ELMO1: variants seen among roughly 807,000 people sequenced by gnomAD.
ELMO1 encodes engulfment and cell motility 1, also known as engulfment and cell motility protein 1.
A neutral mutation model predicts 98.9 loss-of-function variants in ELMO1; 26 were observed. The observed-to-expected ratio is 0.26, with a 90% CI of 0.19 to 0.36. ELMO1 has a LOEUF of 0.36. ELMO1 is among the 10% of genes least tolerant of loss of function. ELMO1 has a pLI of 1.00. For synonymous variants in ELMO1, 346 were observed against 346.0 expected (o/e 1.00, Z 0.00); for missense variants, 627 against 935.2 (o/e 0.67, Z 4.30).
rs537835426 is a variant in ELMO1, at chr7:37,013,483, A to G, written c.1301-48T>C. 68 of 1,601,294 alleles carry G rather than the reference A, an allele frequency of 4.2e-5. 1 individual carries two copies. In the South Asian group the frequency reaches 7.5e-4, roughly 18 times the overall value. On this transcript the variant is annotated intron_variant, in intron 15 of 21. Coordinates refer to ENST00000310758, the MANE Select transcript of ELMO1 (RefSeq NM_014800.11). ...AAGAGAAAAAGTTTTAAAACAGTGAAACACGAGAACATAACCACAGGTATG... is the reference window on the plus strand; with the variant it reads ...AAGAGAAAAAGTTTTAAAACAGTGAGACACGAGAACATAACCACAGGTATG...
chr7:36,866,576 C>G (rs1449114326), intron 20 of ELMO1, among the ~76,000 whole-genome samples: 1 of 152,136 alleles, frequency 6.6e-6, no homozygotes, highest in African/African-American at 2.4e-5. Flanking sequence ...CAGCAGAGAC[C>G]GAATGGGTGA....
At chr7:37,376,954 T>A (rs1802374307) in intron 1 of ELMO1, among the ~76,000 whole-genome samples, 1 of 152,224 alleles carries the variant, frequency 6.6e-6, no homozygotes, top group East Asian at 1.9e-4. Context: ...CCAATGCTCC[T>A]GGACTTTCAA....
chr7:37,342,795 GTCAC>G lies in ELMO1; in HGVS notation c.-73-36_-73-33del. The G allele has an allele frequency of 9.4e-7, 1 of 1,060,358 alleles. No individual in the cohort carries two copies. The highest frequency in any genetic ancestry group is 1.4e-6 in the Non-Finnish European group (1 of 723,210). The allele number at this position is 1,060,358 out of a possible 1,614,324, so 65.7% of individuals were successfully genotyped here. On this transcript the variant is annotated intron_variant, in intron 1 of 21. Coordinates refer to ENST00000310758, the MANE Select transcript of ELMO1 (RefSeq NM_014800.11). The surrounding 1 kb of genome is among the most constrained non-coding windows in gnomAD (Gnocchi z 4.3). ...AGGAATGACAGAAAAAGAAAGAGAAGTCACTCAGTGCAGATGCAGGGTGAATTTT... is the reference window on the plus strand; with the variant it reads ...AGGAATGACAGAAAAAGAAAGAGAAGTCAGTGCAGATGCAGGGTGAATTTT...
intron 1 of ELMO1, among the ~76,000 whole-genome samples, chr7:37,357,907 T>A (rs1420711435): frequency 6.6e-6 from 1 of 152,180 alleles, no homozygotes; most frequent in African/African-American, 2.4e-5. Context: ...CCTGCTCAAA[T>A]GCATAGATAA....
At chr7:36,873,540 A>G (rs1422306344) in intron 19 of ELMO1, among the ~76,000 whole-genome samples, 1 of 152,150 alleles carries the variant, frequency 6.6e-6, no homozygotes, top group Non-Finnish European at 1.5e-5. Context: ...CAACACTCCT[A>G]TTTTACAGAT....
At chr7:37,196,338 G>A (rs550514959) in intron 13 of ELMO1, among the ~76,000 whole-genome samples, 6 of 152,206 alleles carry the variant, frequency 3.9e-5, no homozygotes, top group South Asian at 2.1e-4. Flanking sequence ...GAGCATTTGC[G>A]AAGGATTTAT....
intron 15 of ELMO1, among the ~76,000 whole-genome samples, chr7:37,018,442 T>C (rs1359314702): frequency 1.3e-5 from 2 of 151,706 alleles, no homozygotes; most frequent in African/African-American, 4.8e-5. Context: ...CTATTTTTAA[T>C]CAAGCACATG....
At chr7:37,147,689 C>A (rs1282574748) in intron 13 of ELMO1, among the ~76,000 whole-genome samples, 7 of 152,138 alleles carry the variant, frequency 4.6e-5, no homozygotes, top group Non-Finnish European at 8.8e-5. Context: ...CTGGACTGGG[C>A]CCTGCCCAGG....
intron 16 of ELMO1, among the ~76,000 whole-genome samples, chr7:36,964,187 T>A (rs1562861264): frequency 2.6e-5 from 4 of 152,208 alleles, no homozygotes. Flanking sequence ...TATGACTCAG[T>A]GAAATACAAA....
Position 36,917,338 on chromosome 7 carries a change from T to C in ELMO1, c.1438-22321A>G, listed in dbSNP as rs934149770. Among the ~76,000 whole-genome samples, 14 of 152,216 alleles carry C rather than the reference T, an allele frequency of 9.2e-5. No individual in the cohort carries two copies. In the East Asian group the frequency reaches 2.7e-3, roughly 29 times the overall value. On this transcript the variant is annotated intron_variant, in intron 16 of 21. Transcript: ENST00000310758. ...ATGAAAGTTGCTGGATTTATCTACA[T>C]TAAATTGTAAGGATTTTTATTCAAA...
At chr7:37,102,776 C>T (rs1024951856) in intron 14 of ELMO1, among the ~76,000 whole-genome samples, 6 of 152,228 alleles carry the variant, frequency 3.9e-5, no homozygotes, top group African/African-American at 1.4e-4. Flanking sequence ...CAGAAATAAA[C>T]AGACCCAGCA....
intron 16 of ELMO1, among the ~76,000 whole-genome samples, chr7:36,983,739 G>A (rs1378277847): frequency 6.6e-6 from 1 of 152,130 alleles, no homozygotes; most frequent in African/African-American, 2.4e-5. Flanking sequence ...AGCATTTAGC[G>A]GACCCATCTG....
At chr7:37,027,612 T>A (rs1794653489) in intron 15 of ELMO1, among the ~76,000 whole-genome samples, 1 of 152,164 alleles carries the variant, frequency 6.6e-6, no homozygotes, top group African/African-American at 2.4e-5. Context: ...GTTAAATATT[T>A]TAATATTTTT....
rs374901944 is a variant in ELMO1, at chr7:37,342,594, A to G, written c.78+19T>C. 3.0e-5 allele frequency: 48 copies of G among 1,612,252 alleles called. No individual in the cohort carries two copies. The highest frequency in any genetic ancestry group is 6.7e-5 in the African/African-American group (5 of 74,894). On this transcript the variant is annotated intron_variant, in intron 2 of 21. Transcript: ENST00000310758. The surrounding 1 kb of genome is among the most constrained non-coding windows in gnomAD (Gnocchi z 4.3). Reference sequence around the variant, plus strand: ...AAAGGAAACTGAAAATAGACACCCAATGCTGTCACGTTACTAACCTGATCA... The same window carrying G: ...AAAGGAAACTGAAAATAGACACCCAGTGCTGTCACGTTACTAACCTGATCA...
chr7:37,014,811 C>A (rs1045273633), intron 15 of ELMO1, among the ~76,000 whole-genome samples: 1 of 151,648 alleles, frequency 6.6e-6, no homozygotes. Flanking sequence ...AAGTCCAGGA[C>A]AGGATGGAGG....
At chr7:36,889,040 A>T (rs1805304021) in intron 17 of ELMO1, among the ~76,000 whole-genome samples, 1 of 152,204 alleles carries the variant, frequency 6.6e-6, no homozygotes, top group African/African-American at 2.4e-5. Flanking sequence ...TTACGTGTGG[A>T]ATATGGGCAC....
At chr7:36,891,412 C>T (rs911295997) in intron 17 of ELMO1, among the ~76,000 whole-genome samples, 3 of 152,154 alleles carry the variant, frequency 2.0e-5, no homozygotes, top group South Asian at 2.1e-4. Context: ...TGATCTTTAG[C>T]GAGGATGCAG....
chr7:36,925,420 G>C (rs1785489161), intron 16 of ELMO1, among the ~76,000 whole-genome samples: 1 of 152,100 alleles, frequency 6.6e-6, no homozygotes, highest in African/African-American at 2.4e-5. Context: ...TCTCTGGGCT[G>C]GCTGCTGCAC....
intron 13 of ELMO1, among the ~76,000 whole-genome samples, chr7:37,190,937 C>T (rs1791526710): frequency 6.6e-6 from 1 of 151,532 alleles, no homozygotes; most frequent in South Asian, 2.1e-4. Context: ...GCCTGTAATC[C>T]CAGCACTTTG....
Sources: gnomAD v4.1 joint callset for allele counts (sites outside exome capture counted in the v4.1 genomes callset) on GRCh38, gnomAD v4.1.1 for gene constraint, Gnocchi (gnomAD v3.1) non-coding constraint, MANE v1.5 for transcripts, NCBI Gene and HGNC (gene_info 2026-07-23, HGNC 2026-07-21) for gene names.